The following DLGAP2 variants were observed in gnomAD, a reference collection of about 807,000 sequenced individuals.
DLGAP2 encodes disks large-associated protein 2.
A neutral mutation model predicts 100.3 loss-of-function variants in DLGAP2; 26 were observed. That is an observed-to-expected ratio of 0.26 (90% CI 0.19 to 0.36). The LOEUF (loss-of-function observed/expected upper bound fraction) is 0.36. DLGAP2 is among the 10% of genes least tolerant of loss of function. DLGAP2 has a pLI of 1.00. For synonymous variants in DLGAP2, 886 were observed against 630.1 expected (o/e 1.41, Z -6.08); for missense variants, 1,858 against 1,453.2 (o/e 1.28, Z -4.53).
chr8:808,665 G>A (rs529872725), intron 1 of DLGAP2, among the ~76,000 whole-genome samples: 2 of 152,310 alleles, frequency 1.3e-5, no homozygotes, highest in South Asian at 2.1e-4. Context: ...CAGGGTGGAC[G>A]GTAGTGCTGA....
chr8:1,127,042 AAC>A (rs1796182013), intron 2 of DLGAP2, among the ~76,000 whole-genome samples: 1 of 149,246 alleles, frequency 6.7e-6, no homozygotes, highest in Non-Finnish European at 1.5e-5. Flanking sequence ...CCAGCTCTTA[AAC>A]GGTCCATCTG....
At chr8:1,441,097 C>G (rs879564852) in intron 3 of DLGAP2, among the ~76,000 whole-genome samples, 3 of 151,850 alleles carry the variant, frequency 2.0e-5, no homozygotes, top group Non-Finnish European at 2.9e-5. Context: ...AAACATAATC[C>G]CAGAATAAAA....
At chr8:1,389,787 G>C (rs1407197870) in intron 3 of DLGAP2, among the ~76,000 whole-genome samples, 2 of 152,170 alleles carry the variant, frequency 1.3e-5, no homozygotes, top group East Asian at 3.9e-4. Context: ...CCCGGGCGGA[G>C]ACCCAGAGCG....
intron 3 of DLGAP2, among the ~76,000 whole-genome samples, chr8:1,436,454 C>A (rs775051130): frequency 6.6e-6 from 1 of 152,178 alleles, no homozygotes; most frequent in Non-Finnish European, 1.5e-5. Context: ...CCCACCCAGA[C>A]TGAGGGTGGG....
intron 7 of DLGAP2, among the ~76,000 whole-genome samples, chr8:1,628,956 T>C (rs1797577827): frequency 6.6e-6 from 1 of 152,200 alleles, no homozygotes; most frequent in South Asian, 2.1e-4. Context: ...AGGCAAAGAG[T>C]CCAGCATATA....
At chr8:1,508,696 A>G (rs1019229325) in intron 4 of DLGAP2, among the ~76,000 whole-genome samples, 18 of 150,054 alleles carry the variant, frequency 1.2e-4, no homozygotes, top group Admixed American at 3.3e-4. Context: ...GGAAAAATGG[A>G]ATCCACAACT....
chr8:1,624,857 C>CTCTCTCTG (rs1554511101), intron 6 of DLGAP2, among the ~76,000 whole-genome samples: 11 of 79,438 alleles, frequency 1.4e-4, no homozygotes, highest in African/African-American at 5.6e-4. Flanking sequence ...CTCTCTCTCT[C>CTCTCTCTG]TCTCTCTCTC....
chr8:1,557,509 G>A (rs1584924750), intron 5 of DLGAP2, among the ~76,000 whole-genome samples: 1 of 152,262 alleles, frequency 6.6e-6, no homozygotes, highest in Admixed American at 6.5e-5. Flanking sequence ...GAACTCAGGT[G>A]CTGTGTGAAC....
At chr8:1,208,942 TGAA>T (rs1798050796) in intron 2 of DLGAP2, among the ~76,000 whole-genome samples, 1 of 151,434 alleles carries the variant, frequency 6.6e-6, no homozygotes, top group African/African-American at 2.4e-5. Context: ...ACCAAGGATG[TGAA>T]AAACCTCTAC....
intron 2 of DLGAP2, among the ~76,000 whole-genome samples, chr8:1,024,759 G>A (rs77521710): frequency 0.027 from 4,107 of 152,316 alleles, 167 homozygotes; most frequent in African/African-American, 0.093. Flanking sequence ...TCCTCTGGGT[G>A]AAACGGACCT....
intron 1 of DLGAP2, among the ~76,000 whole-genome samples, chr8:804,986 G>C (rs1032331332): frequency 2.0e-5 from 3 of 152,044 alleles, no homozygotes; most frequent in Non-Finnish European, 4.4e-5. Flanking sequence ...GTCCAGGCTG[G>C]TCTTGGATTC....
At chr8:1,019,687 A>G (rs1011175178) in intron 2 of DLGAP2, 2 of 152,218 alleles carry the variant, frequency 1.3e-5, no homozygotes, top group Admixed American at 6.5e-5. Flanking sequence ...GATTATACAT[A>G]TAAAGATATG....
chr8:1,073,528 T>A (rs1803498842), intron 2 of DLGAP2, among the ~76,000 whole-genome samples: 1 of 152,204 alleles, frequency 6.6e-6, no homozygotes. Flanking sequence ...TGATTCAGGA[T>A]AAATAGCATG....
intron 2 of DLGAP2, among the ~76,000 whole-genome samples, chr8:1,195,592 C>G (rs1188244339): frequency 1.3e-5 from 2 of 152,176 alleles, no homozygotes; most frequent in African/African-American, 2.4e-5. Flanking sequence ...TCTTAATTCA[C>G]TCATAAAACA....
Position 1,511,314 on chromosome 8 carries a change from A to C in DLGAP2, c.172+9883A>C, listed in dbSNP as rs190500961. On this transcript the variant is annotated intron_variant, in intron 4 of 14. Transcript: ENST00000637795. ...TCTACCATGGACGTAAGGGCTGTCT[A>C]GTGTAGGACAATCAGTAGATGACCA... 2.7e-3 allele frequency among the ~76,000 whole-genome samples: 412 copies of C among 150,508 alleles called. 1 individual carries two copies. Among genetic ancestry groups the C allele is most frequent in the Non-Finnish European group, 4.6e-3 (311 of 67,562 alleles).
chr8:1,177,117 C>G (rs543483609), intron 2 of DLGAP2, among the ~76,000 whole-genome samples: 2 of 152,302 alleles, frequency 1.3e-5, no homozygotes, highest in South Asian at 2.1e-4. Context: ...TATACGTGGT[C>G]TAAAAGTCCC....
At chr8:954,620 C>T (rs1396430127) in intron 2 of DLGAP2, among the ~76,000 whole-genome samples, 1 of 152,042 alleles carries the variant, frequency 6.6e-6, no homozygotes, top group African/African-American at 2.4e-5. Flanking sequence ...TACAGGGAGA[C>T]ATATAATAGG....
At chr8:1,600,744 T>G (rs1322325854) in intron 6 of DLGAP2, among the ~76,000 whole-genome samples, 1 of 152,238 alleles carries the variant, frequency 6.6e-6, no homozygotes, top group Non-Finnish European at 1.5e-5. Flanking sequence ...TGTTCTTCTC[T>G]AAACTGGTTA....
rs536954039 is a variant in DLGAP2, at chr8:1,421,861, G to T, written c.107-79505G>T. ...TGCCTGTAATCCCAGCTACTCAAGA[G>T]GCTCTGAGGCAGGAGAATCACTTGA... On this transcript the variant is annotated intron_variant, in intron 3 of 14. Transcript: ENST00000637795. Among the ~76,000 whole-genome samples the T allele has an allele frequency of 5.6e-4, 85 of 152,204 alleles. 1 individual carries two copies. The highest frequency in any genetic ancestry group is 1.9e-3 in the African/African-American group (80 of 41,494).
Sources: gnomAD v4.1 joint callset for allele counts (sites outside exome capture counted in the v4.1 genomes callset) on GRCh38, gnomAD v4.1.1 for gene constraint, MANE v1.5 for transcripts, NCBI Gene and HGNC (gene_info 2026-07-23, HGNC 2026-07-21) for gene names.